OSBP2: variants seen among roughly 807,000 people sequenced by gnomAD.
OSBP2 encodes the protein oxysterol-binding protein 2.
Under a neutral mutation model 96.0 loss-of-function variants are expected in OSBP2, and 66 were observed. The ratio of observed to expected loss-of-function variants is 0.69; its 90% CI spans 0.56 to 0.84. OSBP2 has a LOEUF of 0.84. OSBP2 is among the 40% of genes least tolerant of loss of function. The pLI is 0.00. For synonymous variants in OSBP2, 525 were observed against 520.9 expected, an observed-to-expected ratio of 1.01 and a Z score of -0.11; for missense variants, 1,038 against 1,222.7, an observed-to-expected ratio of 0.85 and a Z score of 2.25.
At chr22:30,710,277 G>A (rs1238968776) in intron 1 of OSBP2, among the ~76,000 whole-genome samples, 1 of 152,192 alleles carries the variant, frequency 6.6e-6, no homozygotes, top group African/African-American at 2.4e-5. Flanking sequence ...AGCAGAATCA[G>A]TGCTTGACTC....
intron 3 of OSBP2, among the ~76,000 whole-genome samples, chr22:30,880,496 C>T (rs1406354528): frequency 6.6e-6 from 1 of 152,224 alleles, no homozygotes; most frequent in African/African-American, 2.4e-5. Context: ...ATCTCCCCAC[C>T]TCCTCCGTGA....
At chr22:30,851,865 G>T (rs1189807257) in intron 2 of OSBP2, among the ~76,000 whole-genome samples, 1 of 151,924 alleles carries the variant, frequency 6.6e-6, no homozygotes, top group Admixed American at 6.6e-5. Flanking sequence ...ATCCGGAAGG[G>T]TTATTGAATT....
At chr22:30,709,676 T>C (rs2089313690) in intron 1 of OSBP2, among the ~76,000 whole-genome samples, 1 of 151,690 alleles carries the variant, frequency 6.6e-6, no homozygotes, top group African/African-American at 2.4e-5. Flanking sequence ...CCACCGCACC[T>C]GGCCAAATTA....
Position 30,880,653 on chromosome 22 carries a change from G to A in OSBP2, c.1108-6773G>A, listed in dbSNP as rs1165375831. 3.3e-5 allele frequency among the ~76,000 whole-genome samples: 5 copies of A among 152,162 alleles called. No individual in the cohort carries two copies. In the East Asian group the frequency reaches 7.7e-4, roughly 23 times the overall value. On this transcript the variant is annotated intron_variant, in intron 3 of 13. Coordinates refer to ENST00000332585, the MANE Select transcript of OSBP2 (RefSeq NM_030758.4). ...CCAAGAGCCTGAGAGGCTGCCCTAG[G>A]TCACACACAGGGGACCCAGGCTAGC...
Position 30,871,701 on chromosome 22 carries a change from G to A in OSBP2, c.1107+1019G>A, listed in dbSNP as rs372107828. Among the ~76,000 whole-genome samples the A allele has an allele frequency of 3.9e-5, 6 of 152,304 alleles. No individual in the cohort carries two copies. Among genetic ancestry groups the A allele is most frequent in the East Asian group, 1.9e-4 (1 of 5,164 alleles). ...CAAACTAGGAGGTTAGACCAGGGCC[G>A]GACTGGGAGCTGGGACCAAGCTCCA... On this transcript the variant is annotated intron_variant, in intron 3 of 13. Transcript: ENST00000332585. This position sits in a 1 kb window ranked among gnomAD's most constrained non-coding sequence, Gnocchi z 4.7.
intron 2 of OSBP2, among the ~76,000 whole-genome samples, chr22:30,777,954 T>C (rs1309472847): frequency 6.6e-6 from 1 of 152,166 alleles, no homozygotes; most frequent in Non-Finnish European, 1.5e-5. Flanking sequence ...CTTGATTTTC[T>C]ATGCTATTAA....
rs377669871 is a variant in OSBP2, at chr22:30,741,381, T to C, written c.853+12T>C. ...GAACACTCATTCAGGTAGTGAGCAC[T>C]TGGGACAGCGGGTGTGTATATGGTG... On this transcript the variant is annotated intron_variant, in intron 2 of 13. Transcript: ENST00000332585. 24 of 1,596,236 alleles carry C rather than the reference T, an allele frequency of 1.5e-5. No individual in the cohort carries two copies. Among genetic ancestry groups the C allele is most frequent in the Non-Finnish European group, 2.0e-5 (24 of 1,173,598 alleles).
At chr22:30,880,875 C>T (rs1196891487) in intron 3 of OSBP2, among the ~76,000 whole-genome samples, 1 of 152,208 alleles carries the variant, frequency 6.6e-6, no homozygotes, top group African/African-American at 2.4e-5. Flanking sequence ...AACCCCTGCT[C>T]AGACCTCACA....
intron 2 of OSBP2, among the ~76,000 whole-genome samples, chr22:30,794,258 A>G (rs939720875): frequency 3.6e-5 from 5 of 138,802 alleles, no homozygotes; most frequent in African/African-American, 1.3e-4. Context: ...CTCCTCCTCT[A>G]TTCATTTTTT....
At chr22:30,902,494 C>G in intron 12 of OSBP2, 1 of 1,569,964 alleles carries the variant, frequency 6.4e-7, no homozygotes, top group Non-Finnish European at 8.7e-7. Flanking sequence ...AAAAGGTGTA[C>G]CAGATGACGA....
intron 2 of OSBP2, among the ~76,000 whole-genome samples, chr22:30,798,121 C>T (rs1415725196): frequency 2.6e-5 from 4 of 152,138 alleles, no homozygotes; most frequent in African/African-American, 4.8e-5. Context: ...AGATGGTAGC[C>T]GTCCTAGTGG....
upstream of OSBP2, chr22:30,694,367 G>C: frequency 6.6e-7 from 1 of 1,523,944 alleles, no homozygotes; most frequent in Non-Finnish European, 8.8e-7. Flanking sequence ...ATGGGGGGCG[G>C]GGCGTCGTCT....
intron 8 of OSBP2, among the ~76,000 whole-genome samples, chr22:30,892,739 C>T (rs543634451): frequency 1.3e-5 from 2 of 152,256 alleles, no homozygotes; most frequent in South Asian, 2.1e-4. Flanking sequence ...TAACATGGCA[C>T]AGCAGACACA....
At chr22:30,831,339 A>G (rs577325163) in intron 2 of OSBP2, among the ~76,000 whole-genome samples, 1 of 152,304 alleles carries the variant, frequency 6.6e-6, no homozygotes, top group South Asian at 2.1e-4. Flanking sequence ...TTCAGTTATT[A>G]TTTGTTGTTG....
At chr22:30,899,579 T>G (rs1451157529) in intron 12 of OSBP2, among the ~76,000 whole-genome samples, 1 of 152,136 alleles carries the variant, frequency 6.6e-6, no homozygotes, top group Admixed American at 6.5e-5. Context: ...TCCAATTTCA[T>G]ATAAAGTGTT....
intron 2 of OSBP2, among the ~76,000 whole-genome samples, chr22:30,823,831 G>A (rs1363677515): frequency 6.6e-6 from 1 of 152,228 alleles, no homozygotes; most frequent in East Asian, 1.9e-4. Flanking sequence ...GGTTTTAGAG[G>A]ATTGGTCTTA....
At chr22:30,905,789 G>C (rs1392267977) in intron 12 of OSBP2, 48 bp from the exon 13 acceptor site, 3 of 1,603,402 alleles carry the variant, frequency 1.9e-6, no homozygotes, top group Non-Finnish European at 1.7e-6. Flanking sequence ...GGTAGGTGTG[G>C]TCCGGCTCAC....
intron 2 of OSBP2, among the ~76,000 whole-genome samples, chr22:30,848,808 C>T (rs563233374): frequency 2.7e-4 from 41 of 152,256 alleles, no homozygotes; most frequent in Admixed American, 1.3e-3. Flanking sequence ...AATTTTTCAT[C>T]TGTTAATGGA....
chr22:30,785,406 T>TA (rs934967333), intron 2 of OSBP2, among the ~76,000 whole-genome samples: 23 of 146,198 alleles, frequency 1.6e-4, no homozygotes, highest in Middle Eastern at 3.5e-3. Context: ...CCATCTCTAC[T>TA]AAAAAAAAAA....
Sources: allele counts gnomAD v4.1 joint callset (sites outside exome capture counted in the v4.1 genomes callset), GRCh38; gene constraint gnomAD v4.1.1; non-coding constraint Gnocchi (gnomAD v3.1); transcripts MANE v1.5; gene names NCBI Gene and HGNC (gene_info 2026-07-23, HGNC 2026-07-21).